Variants in PCDHB7 observed in about 807,000 individuals in gnomAD.
The protein encoded by PCDHB7 is protocadherin beta 7, also known as protocadherin beta-7.
For synonymous variants in PCDHB7, 542 were observed against 463.1 expected, an observed-to-expected ratio of 1.17 and a Z score of -2.19; for missense variants, 1,148 against 1,011.6, an observed-to-expected ratio of 1.13 and a Z score of -1.83.
In PCDHB7 at chr5:141,174,795, GCCA is replaced by G; in HGVS notation, c.1963_1965del (p.Thr655del). ...GGACAATGGCGAGCCTCCGCGCTCGGCCACCGCCACGCTGCACGTGCTCCTGGT... is the reference window on the plus strand; with the variant it reads ...GGACAATGGCGAGCCTCCGCGCTCGGCCGCCACGCTGCACGTGCTCCTGGT... On this transcript the variant is annotated inframe_deletion, in exon 1 of 1. Coordinates refer to ENST00000231137, the MANE Select transcript of PCDHB7 (RefSeq NM_018940.4). 6.2e-7 allele frequency: 1 copy of G among 1,611,316 alleles called. No individual in the cohort carries two copies. The highest frequency in any genetic ancestry group is 8.5e-7 in the Non-Finnish European group (1 of 1,179,696).
Position 141,173,648 on chromosome 5 carries a change from CG to C in PCDHB7, c.815del (p.Gly272GlufsTer6). 6.2e-7 allele frequency: 1 copy of C among 1,614,098 alleles called. No individual in the cohort carries two copies. The highest frequency in any genetic ancestry group is 8.5e-7 in the Non-Finnish European group (1 of 1,180,032). ...VSVSARDLDT[G>X]SNGEIAYAFS... ...CCGTGTCAGCCAGAGATTTAGATAC[CG>C]GAAGTAATGGGGAAATAGCCTATGC... On this transcript the variant is annotated frameshift_variant, in exon 1 of 1. Coordinates refer to ENST00000231137, the MANE Select transcript of PCDHB7 (RefSeq NM_018940.4). LOFTEE classifies it low-confidence loss of function (END_TRUNC).
rs137980708 is a variant in PCDHB7, at chr5:141,174,122, C to G, written c.1287C>G (p.Pro429=). 1 of 1,614,122 alleles carries G rather than the reference C, an allele frequency of 6.2e-7. No homozygotes were observed. Among genetic ancestry groups the G allele is most frequent in the Admixed American group, 1.7e-5 (1 of 60,032 alleles). ...ITITVTDLGT[P]RLKTEHNITV... ...TCACCGTCACCGACTTGGGGACACC[C>G]AGGCTGAAAACCGAGCACAACATAA... Residue 429 remains proline, a synonymous_variant, in exon 1 of 1, where the codon CCC becomes CCG. Coordinates refer to ENST00000231137, the MANE Select transcript of PCDHB7 (RefSeq NM_018940.4).
rs781991239 is a variant in PCDHB7, at chr5:141,174,051, G to A, written c.1216G>A (p.Glu406Lys). ...SVENFYTLVT[E>K]KPLDRERNTE... ...CGAAAACTTCTATACTCTGGTAACAGAGAAACCTTTGGATCGAGAGAGGAA... is the reference window on the plus strand; with the variant it reads ...CGAAAACTTCTATACTCTGGTAACAAAGAAACCTTTGGATCGAGAGAGGAA... The change falls in exon 1 of 1, where the codon GAG becomes AAG. Residue 406 changes from glutamate to lysine, a missense_variant. By Grantham distance (56) the Glu-to-Lys change is moderately conservative. Coordinates refer to ENST00000231137, the MANE Select transcript of PCDHB7 (RefSeq NM_018940.4). The A allele has an allele frequency of 1.2e-6, 2 of 1,613,942 alleles. No homozygotes were observed. Among genetic ancestry groups the A allele is most frequent in the Non-Finnish European group, 1.7e-6 (2 of 1,179,928 alleles).
Position 141,174,063 on chromosome 5 carries a change from G to A in PCDHB7, c.1228G>A (p.Asp410Asn). ...FYTLVTEKPL[D>N]RERNTEYNIT... is the part of the protein sequence containing the mutation. ...TACTCTGGTAACAGAGAAACCTTTG[G>A]ATCGAGAGAGGAACACTGAGTACAA... The change falls in exon 1 of 1, where the codon GAT (aspartate) becomes AAT (asparagine). Residue 410 changes from aspartate (D) to asparagine (N), a missense_variant. Asp to Asn is a conservative substitution (Grantham distance 23). Transcript: ENST00000231137. 1.9e-6 allele frequency: 3 copies of A among 1,614,040 alleles called. No individual in the cohort carries two copies. Among genetic ancestry groups the A allele is most frequent in the South Asian group, 1.1e-5 (1 of 91,074 alleles).
rs550844673 is a variant in PCDHB7 at position 141,176,358 on chromosome 5, C to T, written c.*1141C>T. The T allele has an allele frequency of 2.4e-5, 4 of 166,996 alleles. No homozygotes were observed. The highest frequency in any genetic ancestry group is 3.9e-4 in the East Asian group (2 of 5,192). The allele number at this position is 166,996 out of a possible 1,614,324, so 10.3% of individuals were successfully genotyped here. On this transcript the variant is annotated 3_prime_UTR_variant, in exon 1 of 1. Coordinates refer to ENST00000231137, the MANE Select transcript of PCDHB7 (RefSeq NM_018940.4). Reference sequence around the variant, plus strand: ...TGATCATTAAATTTTTAGAAATTCTCGGAAGTTAAGGAGAAGCACTGTTTT... The same window carrying T: ...TGATCATTAAATTTTTAGAAATTCTTGGAAGTTAAGGAGAAGCACTGTTTT...
In PCDHB7 at chr5:141,174,141, A is replaced by G. The variant is rs782580889; in HGVS notation, c.1306A>G (p.Asn436Asp). 3.7e-6 allele frequency: 6 copies of G among 1,613,920 alleles called. No individual in the cohort carries two copies. In the East Asian group the frequency reaches 1.3e-4, roughly 36 times the overall value. Residue 436 changes from asparagine (N) to aspartate (D), a missense_variant, in exon 1 of 1, where the codon AAC becomes GAC. By Grantham distance (23) the Asn-to-Asp change is conservative. Coordinates refer to ENST00000231137, the MANE Select transcript of PCDHB7 (RefSeq NM_018940.4). ...GACACCCAGGCTGAAAACCGAGCAC[A>G]ACATAACCGTGCTGGTCTCCGACGT... ...LGTPRLKTEH[N>D]ITVLVSDVND...
chr5:141,173,804 C>T lies in PCDHB7; in HGVS notation c.969C>T (p.Asp323=), dbSNP rs782598518. Residue 323 remains aspartate, a synonymous_variant, in exon 1 of 1, where the codon GAC becomes GAT. Transcript: ENST00000231137. ...QTYTLTIQAK[D]GGGLSGKCTV... Reference sequence around the variant, plus strand: ...ACACATTAACTATTCAGGCCAAAGACGGCGGCGGGCTTTCTGGAAAATGCA... The same window carrying T: ...ACACATTAACTATTCAGGCCAAAGATGGCGGCGGGCTTTCTGGAAAATGCA... 3.1e-6 allele frequency: 5 copies of T among 1,614,152 alleles called. No homozygotes were observed. In the South Asian group the frequency reaches 5.5e-5, roughly 18 times the overall value.
Position 141,174,403 on chromosome 5 carries a change from C to T in PCDHB7, c.1568C>T (p.Ala523Val), listed in dbSNP as rs1474682467. 7 of 1,612,348 alleles carry T rather than the reference C, an allele frequency of 4.3e-6. No individual in the cohort carries two copies. The highest frequency in any genetic ancestry group is 1.7e-5 in the Admixed American group (1 of 59,894). Reference protein sequence around the residue: ...LFALRSLDYEALQAFEFRVGA... With the variant: ...LFALRSLDYEVLQAFEFRVGA... ...GCCCTCAGGTCCCTGGACTACGAGG[C>T]CCTGCAGGCGTTCGAGTTCCGCGTG... Residue 523 changes from alanine to valine, a missense_variant, in exon 1 of 1, where the codon GCC becomes GTC. Coordinates refer to ENST00000231137, the MANE Select transcript of PCDHB7 (RefSeq NM_018940.4).
chr5:141,174,124 G>T lies in PCDHB7; in HGVS notation c.1289G>T (p.Arg430Met). The T allele has an allele frequency of 1.2e-6, 2 of 1,614,110 alleles. No homozygotes were observed. Among genetic ancestry groups the T allele is most frequent in the Non-Finnish European group, 1.7e-6 (2 of 1,180,048 alleles). Reference sequence around the variant, plus strand: ...ACCGTCACCGACTTGGGGACACCCAGGCTGAAAACCGAGCACAACATAACC... The same window carrying T: ...ACCGTCACCGACTTGGGGACACCCATGCTGAAAACCGAGCACAACATAACC... ...TITVTDLGTPRLKTEHNITVL... is the reference protein window; with the variant it reads ...TITVTDLGTPMLKTEHNITVL... The change falls in exon 1 of 1, where the codon AGG becomes ATG. Residue 430 changes from arginine to methionine, a missense_variant. Arg to Met is a moderately conservative substitution (Grantham distance 91). Coordinates refer to ENST00000231137, the MANE Select transcript of PCDHB7 (RefSeq NM_018940.4).
rs1753359977 is a variant in PCDHB7 at position 141,175,494 on chromosome 5, T to C, written c.*277T>C. The C allele has an allele frequency of 4.3e-6, 2 of 468,440 alleles. No homozygotes were observed. The highest frequency in any genetic ancestry group is 8.0e-5 in the Admixed American group (2 of 25,030). 29.0% of individuals were successfully genotyped at this position (468,440 alleles called of 1,614,324 possible). A position where few individuals can be genotyped will look rare whatever the true frequency, so the allele number is the denominator to read the frequency against. ...TGAGATATTTTAAATTGCTTTCCAT[T>C]GTTTTCAATCTCTACTGAGACTTCC... On this transcript the variant is annotated 3_prime_UTR_variant, in exon 1 of 1. Coordinates refer to ENST00000231137, the MANE Select transcript of PCDHB7 (RefSeq NM_018940.4).
chr5:141,172,826 C>T lies in PCDHB7; in HGVS notation c.-10C>T. 1.9e-6 allele frequency: 3 copies of T among 1,601,760 alleles called. No individual in the cohort carries two copies. Among genetic ancestry groups the T allele is most frequent in the Non-Finnish European group, 2.6e-6 (3 of 1,171,618 alleles). ...GTGAAAGTCATTTTGAAAGACTGAT[C>T]CAAAGAAGAATGGAGGCCAGAGTGG... On this transcript the variant is annotated 5_prime_UTR_variant, in exon 1 of 1. Coordinates refer to ENST00000231137, the MANE Select transcript of PCDHB7 (RefSeq NM_018940.4).
chr5:141,173,057 T>G lies in PCDHB7; in HGVS notation c.222T>G (p.Ile74Met). 6.2e-7 allele frequency: 1 copy of G among 1,614,126 alleles called. No individual in the cohort carries two copies. Among genetic ancestry groups the G allele is most frequent in the Non-Finnish European group, 8.5e-7 (1 of 1,180,022 alleles). ...TTGTTTCAGACCAGAACATGCAAATTTTACTGCTCAGTTCGCTTACTGGTG... is the reference window on the plus strand; with the variant it reads ...TTGTTTCAGACCAGAACATGCAAATGTTACTGCTCAGTTCGCTTACTGGTG... Reference protein sequence around the residue: ...TRIVSDQNMQILLLSSLTGDL... With the variant: ...TRIVSDQNMQMLLLSSLTGDL... Residue 74 changes from isoleucine to methionine, a missense_variant, in exon 1 of 1, where the codon ATT becomes ATG. Coordinates refer to ENST00000231137, the MANE Select transcript of PCDHB7 (RefSeq NM_018940.4).
chr5:141,173,727 T>A lies in PCDHB7; in HGVS notation c.892T>A (p.Ser298Thr). ...CAAAACGTTTCAAATCAATCCAACA[T>A]CTGGCAGTCTTCATCTTAAAGCGCA... ...ILKTFQINPT[S>T]GSLHLKAQLD... is the part of the protein sequence containing the mutation. The change falls in exon 1 of 1, where the codon TCT (serine) becomes ACT (threonine). Residue 298 changes from serine to threonine, a missense_variant. Physicochemically the swap from Ser to Thr is moderately conservative, Grantham distance 58 (BLOSUM62 1). Transcript: ENST00000231137. The A allele has an allele frequency of 1.2e-6, 2 of 1,613,930 alleles. No homozygotes were observed. Among genetic ancestry groups the A allele is most frequent in the South Asian group, 1.1e-5 (1 of 91,076 alleles).
In PCDHB7 at chr5:141,175,354, A is replaced by C. The variant is rs1241974870; in HGVS notation, c.*137A>C. ...TCAAGCAATAAATTTCTATACATAA[A>C]ATAGGATCCTGATTTAGTATCAAGA... On this transcript the variant is annotated 3_prime_UTR_variant, in exon 1 of 1. Transcript: ENST00000231137. 3.0e-6 allele frequency: 3 copies of C among 990,340 alleles called. No individual in the cohort carries two copies. Among genetic ancestry groups the C allele is most frequent in the Non-Finnish European group, 4.4e-6 (3 of 686,148 alleles). 61.3% of individuals were successfully genotyped at this position (990,340 alleles called of 1,614,324 possible).
In PCDHB7 at chr5:141,173,763, G is replaced by C; in HGVS notation, c.928G>C (p.Glu310Gln). ...TCATCTTAAAGCGCAATTGGACTAT[G>C]AGGCAATTCAAACTTACACATTAAC... ...SLHLKAQLDYEAIQTYTLTIQ... is the reference protein window; with the variant it reads ...SLHLKAQLDYQAIQTYTLTIQ... The change falls in exon 1 of 1, where the codon GAG becomes CAG. Residue 310 changes from glutamate (E) to glutamine (Q), a missense_variant. Glu to Gln is a conservative substitution (Grantham distance 29). Transcript: ENST00000231137. 6.2e-7 allele frequency: 1 copy of C among 1,614,110 alleles called. No homozygotes were observed. The highest frequency in any genetic ancestry group is 8.5e-7 in the Non-Finnish European group (1 of 1,179,984).
In PCDHB7 at chr5:141,173,252, CT is replaced by C. The variant is rs1435834779; in HGVS notation, c.419del (p.Leu140Ter). On this transcript the variant is annotated frameshift_variant, in exon 1 of 1. Transcript: ENST00000231137. LOFTEE classifies it low-confidence loss of function (END_TRUNC). ...APVFLDREIS[L>X]KILESTTPGA... ...CAGTATTTCTAGACAGAGAGATTTC[CT>C]TGAAAATATTAGAAAGTACCACTCC... is the stretch of plus-strand genomic sequence containing the variant. The C allele has an allele frequency of 3.1e-6, 5 of 1,613,992 alleles. No homozygotes were observed. Among genetic ancestry groups the C allele is most frequent in the African/African-American group, 2.7e-5 (2 of 74,916 alleles).
rs1466392214 is a variant in PCDHB7 at position 141,176,166 on chromosome 5, T to C, written c.*949T>C. 2 of 167,158 alleles carry C rather than the reference T, an allele frequency of 1.2e-5. No homozygotes were observed. The highest frequency in any genetic ancestry group is 1.3e-4 in the Admixed American group (2 of 15,290). 10.4% of individuals were successfully genotyped at this position (167,158 alleles called of 1,614,324 possible). A position where few individuals can be genotyped will look rare whatever the true frequency, so the allele number is the denominator to read the frequency against. ...TCATTAGTTAATTATTTTCTTCATA[T>C]TGTAGATTTTCTGCAGTCACCCATA... On this transcript the variant is annotated 3_prime_UTR_variant, in exon 1 of 1. Transcript: ENST00000231137.
Position 141,174,999 on chromosome 5 carries a change from C to A in PCDHB7, c.2164C>A (p.Arg722Ser). 1 of 1,613,888 alleles carries A rather than the reference C, an allele frequency of 6.2e-7. No homozygotes were observed. Among genetic ancestry groups the A allele is most frequent in the Non-Finnish European group, 8.5e-7 (1 of 1,179,966 alleles). Residue 722 changes from arginine (R) to serine (S), a missense_variant, in exon 1 of 1, where the codon CGC becomes AGC. Coordinates refer to ENST00000231137, the MANE Select transcript of PCDHB7 (RefSeq NM_018940.4). ...GAGGAGCAGGGCGGCCCCGGTGGGT[C>A]GCTGCTCGGTGCCTGAGGGCCCCTT... is the stretch of plus-strand genomic sequence containing the variant. ...CRRSRAAPVG[R>S]CSVPEGPFPR...
At position 141,174,365 on chromosome 5, in the gene PCDHB7, C is replaced by A; in HGVS notation, c.1530C>A (p.Asn510Lys). 6.2e-7 allele frequency: 1 copy of A among 1,612,796 alleles called. No individual in the cohort carries two copies. Residue 510 changes from asparagine to lysine, a missense_variant, in exon 1 of 1, where the codon AAC (asparagine) becomes AAA (lysine). Physicochemically the swap from Asn to Lys is moderately conservative, Grantham distance 94 (BLOSUM62 0). Transcript: ENST00000231137. ...LASLVSINAD[N>K]GHLFALRSLD... The stretch of plus-strand genomic sequence containing the variant: ...CCCTGGTCTCCATCAACGCGGACAA[C>A]GGCCACCTGTTTGCCCTCAGGTCCC...
Sources: gnomAD v4.1 joint callset for allele counts on GRCh38, gnomAD v4.1.1 for gene constraint, MANE v1.5 for transcripts, NCBI Gene and HGNC (gene_info 2026-07-23, HGNC 2026-07-21) for gene names.